Variants in LINC00305 observed in about 807,000 individuals in gnomAD.
LINC00305 encodes the protein long intergenic non-protein coding RNA 305.
intron 2 of LINC00305, chr18:64,098,046 C>T (rs1228341276): frequency 1.3e-5 from 6 of 454,624 alleles, no homozygotes; most frequent in South Asian, 9.3e-5. Context: ...AACTAACCAA[C>T]AACAAAATTA....
At chr18:64,133,612 C>T (rs11661545) in intron 1 of LINC00305, among the ~76,000 whole-genome samples, 1 of 152,166 alleles carries the variant, frequency 6.6e-6, no homozygotes, top group African/African-American at 2.4e-5. Flanking sequence ...ATGGAGTGTC[C>T]TAAGTGAGCA....
intron 2 of LINC00305, chr18:64,098,435 G>A (rs2051255390): frequency 2.7e-6 from 1 of 371,166 alleles, no homozygotes; most frequent in Admixed American, 3.9e-5. Flanking sequence ...TCTTGAAACA[G>A]AAGTAGAAAA....
At chr18:64,135,637 G>A (rs1279855045) in intron 1 of LINC00305, among the ~76,000 whole-genome samples, 1 of 152,156 alleles carries the variant, frequency 6.6e-6, no homozygotes, top group Non-Finnish European at 1.5e-5. Flanking sequence ...CCAGGCTGGA[G>A]TGCAGTGGTA....
intron 1 of LINC00305, among the ~76,000 whole-genome samples, chr18:64,099,478 G>A (rs1418608005): frequency 2.0e-5 from 3 of 152,084 alleles, no homozygotes; most frequent in Non-Finnish European, 4.4e-5. Context: ...GCTGAGGCAG[G>A]GTTGGACCCA....
chr18:64,095,240 C>T (rs537620381), intron 3 of LINC00305, among the ~76,000 whole-genome samples: 94 of 152,240 alleles, frequency 6.2e-4, no homozygotes, highest in African/African-American at 2.1e-3. Context: ...TACAGGCAAG[C>T]ATGAGGCTAG....
chr18:64,109,698 A>G (rs2051306924), intron 1 of LINC00305, among the ~76,000 whole-genome samples: 1 of 152,136 alleles, frequency 6.6e-6, no homozygotes, highest in Non-Finnish European at 1.5e-5. Flanking sequence ...AATGCTCAGA[A>G]ATATCTTGGT....
exon 3 of LINC00305, chr18:64,097,935 T>G: frequency 2.2e-6 from 1 of 458,040 alleles, no homozygotes; most frequent in South Asian, 1.5e-5. Context: ...ACCAGAAGGC[T>G]GCTGACCAGT....
chr18:64,093,132 ATACTT>A (rs1256549354), intron 3 of LINC00305, among the ~76,000 whole-genome samples: 2 of 152,152 alleles, frequency 1.3e-5, no homozygotes, highest in Admixed American at 6.5e-5. Context: ...CATTCCACCC[ATACTT>A]TACTCTTAGC....
intron 1 of LINC00305, among the ~76,000 whole-genome samples, chr18:64,122,700 T>G (rs1472975349): frequency 6.6e-6 from 1 of 152,104 alleles, no homozygotes; most frequent in East Asian, 1.9e-4. Context: ...ATATTATGAT[T>G]GTTTTTCTAA....
At chr18:64,106,035 G>A (rs1250353227) in intron 1 of LINC00305, among the ~76,000 whole-genome samples, 2 of 152,240 alleles carry the variant, frequency 1.3e-5, no homozygotes, top group African/African-American at 4.8e-5. Context: ...TGGCTTAAGG[G>A]AAGGAAGGGA....
chr18:64,134,791 G>A (rs1054563936), intron 1 of LINC00305, among the ~76,000 whole-genome samples: 4 of 152,132 alleles, frequency 2.6e-5, no homozygotes, highest in African/African-American at 9.7e-5. Context: ...CTATGAATTA[G>A]GGTAAAATTA....
At chr18:64,129,819 G>T (rs188479098) in intron 1 of LINC00305, among the ~76,000 whole-genome samples, 11 of 152,128 alleles carry the variant, frequency 7.2e-5, no homozygotes, top group Non-Finnish European at 1.6e-4. Flanking sequence ...ACATGAACAT[G>T]TTTATTTTGT....
At chr18:64,145,294 A>G (rs1259784321) in intron 1 of LINC00305, among the ~76,000 whole-genome samples, 1 of 152,198 alleles carries the variant, frequency 6.6e-6, no homozygotes, top group Non-Finnish European at 1.5e-5. Flanking sequence ...TACAAATGTT[A>G]TGTTAAAGAA....
intron 3 of LINC00305, among the ~76,000 whole-genome samples, chr18:64,082,340 G>A (rs976066792): frequency 1.3e-5 from 2 of 151,904 alleles, no homozygotes; most frequent in Admixed American, 6.6e-5. Context: ...AAGCCCCAGT[G>A]ATTTCATCCA....
At chr18:64,142,137 C>T (rs72949548) in intron 1 of LINC00305, among the ~76,000 whole-genome samples, 10,727 of 152,220 alleles carry the variant, frequency 0.07, 563 homozygotes, top group Non-Finnish European at 0.12. Flanking sequence ...GGTGGCTCAA[C>T]ATTTTCCCCA....
intron 1 of LINC00305, among the ~76,000 whole-genome samples, chr18:64,145,505 G>A (rs1225987995): frequency 5.3e-5 from 8 of 152,252 alleles, no homozygotes; most frequent in East Asian, 3.9e-4. Context: ...TCAACCTGCC[G>A]ATCTGCCTGG....
At chr18:64,143,839 T>C (rs1235637490) in intron 1 of LINC00305, among the ~76,000 whole-genome samples, 1 of 149,056 alleles carries the variant, frequency 6.7e-6, no homozygotes, top group East Asian at 2.0e-4. Context: ...AATTCTTATG[T>C]ATGTATACAT....
chr18:64,115,800 G>C (rs942391317), intron 1 of LINC00305, among the ~76,000 whole-genome samples: 11 of 151,970 alleles, frequency 7.2e-5, no homozygotes, highest in Non-Finnish European at 1.5e-5. Context: ...CTCATTAAAA[G>C]CTTCTTGCCA....
At chr18:64,143,826 G>A (rs557894633) in intron 1 of LINC00305, among the ~76,000 whole-genome samples, 5 of 150,202 alleles carry the variant, frequency 3.3e-5, no homozygotes. Flanking sequence ...TATACACAGA[G>A]ATAATTCTTA....
Sources: gnomAD v4.1 joint callset for allele counts (sites outside exome capture counted in the v4.1 genomes callset) on GRCh38, gnomAD v4.1.1 for gene constraint, MANE v1.5 for transcripts, NCBI Gene and HGNC (gene_info 2026-07-23, HGNC 2026-07-21) for gene names.